Variants in ZNF226 observed in about 807,000 individuals in gnomAD.
The protein encoded by ZNF226 is Kruppel-associated box protein.
A neutral mutation model predicts 11.4 loss-of-function variants in ZNF226; 6 were observed. That is an observed-to-expected ratio of 0.53 (90% CI 0.29 to 1.04). The LOEUF is 1.04. Among genes scored for constraint, ZNF226 ranks in the 50% least tolerant of loss-of-function variants. The pLI, the probability that ZNF226 is intolerant of heterozygous loss-of-function variation, is 0.08. For missense variants in ZNF226, 1,058 were observed against 956.5 expected (o/e 1.11, Z -1.40); for synonymous variants, 350 against 322.8 (o/e 1.08, Z -0.90).
the ZNF226 span, among the ~76,000 whole-genome samples, chr19:44,183,501 C>T: frequency 6.6e-6 from 1 of 152,194 alleles, no homozygotes; most frequent in Non-Finnish European, 1.5e-5. Context: ...AGCAAAACCA[C>T]ATTCATGGAG....
At chr19:44,175,008 T>C (rs766870408) in intron 5 of ZNF226, 1 of 1,611,898 alleles carries the variant, frequency 6.2e-7, no homozygotes, top group South Asian at 1.1e-5. Flanking sequence ...AAAGCTCTTT[T>C]GCTCTATGAC....
chr19:44,169,199 G>A (rs1402759395), intron 2 of ZNF226, among the ~76,000 whole-genome samples: 1 of 151,652 alleles, frequency 6.6e-6, no homozygotes, highest in Non-Finnish European at 1.5e-5. Flanking sequence ...GTAAAGACAG[G>A]GTTTCATCTT....
the ZNF226 span, among the ~76,000 whole-genome samples, chr19:44,184,628 G>C: frequency 6.6e-6 from 1 of 151,476 alleles, no homozygotes; most frequent in African/African-American, 2.4e-5. Flanking sequence ...GATATTCCAA[G>C]ATACCTGTTC....
At chr19:44,196,843 T>C in the ZNF226 span, among the ~76,000 whole-genome samples, 1 of 152,170 alleles carries the variant, frequency 6.6e-6, no homozygotes, top group East Asian at 1.9e-4. Flanking sequence ...CTCTGATTTG[T>C]CTTCCCATGT....
At chr19:44,185,118 A>G in the ZNF226 span, among the ~76,000 whole-genome samples, 2 of 152,262 alleles carry the variant, frequency 1.3e-5, no homozygotes, top group African/African-American at 4.8e-5. Flanking sequence ...TAAAGGCTGC[A>G]TAATATTGCA....
intron 4 of ZNF226, 164 bp downstream of exon 4, chr19:44,172,378 T>G: frequency 1.1e-6 from 1 of 872,866 alleles, no homozygotes; most frequent in South Asian, 1.8e-5. Context: ...TTTTAGGTCT[T>G]TTTCATTTGT....
At chr19:44,173,182 A>G (rs755337651) in intron 5 of ZNF226, 1 of 557,246 alleles carries the variant, frequency 1.8e-6, no homozygotes, top group Non-Finnish European at 3.2e-6. Context: ...CTTCTGCTCA[A>G]AATTCTCTGT....
intron 3 of ZNF226, among the ~76,000 whole-genome samples, chr19:44,171,837 G>A (rs1451428454): frequency 6.6e-6 from 1 of 152,170 alleles, no homozygotes; most frequent in African/African-American, 2.4e-5. Flanking sequence ...AATGTTTTAG[G>A]TTCAGCAGGT....
intron 5 of ZNF226, chr19:44,173,797 A>C (rs1970395912): frequency 6.6e-6 from 1 of 152,202 alleles, no homozygotes; most frequent in African/African-American, 2.4e-5. Context: ...CACCCTATTA[A>C]AAATACATTC....
In ZNF226 at chr19:44,175,005, T is replaced by G. The variant is rs1351600496; in HGVS notation, c.236-493T>G. On this transcript the variant is annotated intron_variant, in intron 5 of 5. Coordinates refer to ENST00000337433, the MANE Select transcript of ZNF226 (RefSeq NM_001032373.2). ...TCAGATACCTTACTTGTAAAAGCTC[T>G]TTTGCTCTATGACCTGGCTCAAACT... is the stretch of plus-strand genomic sequence containing the variant. 3 of 1,611,488 alleles carry G rather than the reference T, an allele frequency of 1.9e-6. No homozygotes were observed. The Admixed American group carries it at 5.0e-5, about 27-fold the overall frequency.
chr19:44,172,005 A>G, intron 3 of ZNF226, 83 bp from the exon 4 acceptor site: 2 of 1,562,678 alleles, frequency 1.3e-6, no homozygotes, highest in Non-Finnish European at 1.7e-6. Context: ...GGGCATCCAG[A>G]ACAACTTTCC....
At chr19:44,172,239 A>G (rs1970183184) in intron 4 of ZNF226, 25 bp downstream of exon 4, 1 of 1,602,952 alleles carries the variant, frequency 6.2e-7, no homozygotes, top group Admixed American at 1.7e-5. Flanking sequence ...CCTCTGGAAT[A>G]TCTTTGTGCC....
At chr19:44,186,980 A>G in the ZNF226 span, among the ~76,000 whole-genome samples, 3 of 151,596 alleles carry the variant, frequency 2.0e-5, no homozygotes, top group Non-Finnish European at 4.4e-5. Context: ...TTGCCTGATC[A>G]TGACCTGTGA....
the ZNF226 span, among the ~76,000 whole-genome samples, chr19:44,197,710 A>G: frequency 6.6e-6 from 1 of 152,120 alleles, no homozygotes; most frequent in African/African-American, 2.4e-5. Context: ...TGATTTGTCT[A>G]TTTGGTTGTC....
At chr19:44,168,573 T>C (rs1969674822) in intron 2 of ZNF226, among the ~76,000 whole-genome samples, 1 of 152,346 alleles carries the variant, frequency 6.6e-6, no homozygotes, top group South Asian at 2.1e-4. Context: ...TTCTAGAGTA[T>C]TGAGAAATTA....
the ZNF226 span, among the ~76,000 whole-genome samples, chr19:44,191,845 T>C: frequency 2.0e-5 from 3 of 152,156 alleles, no homozygotes; most frequent in Non-Finnish European, 4.4e-5. Flanking sequence ...TGAGAAATTA[T>C]TTTGATAAAA....
chr19:44,195,405 C>A, the ZNF226 span, among the ~76,000 whole-genome samples: 1 of 152,098 alleles, frequency 6.6e-6, no homozygotes, highest in African/African-American at 2.4e-5. Flanking sequence ...CTTCTTGACA[C>A]AAACTTTATG....
chr19:44,172,362 A>G (rs1023117737), intron 4 of ZNF226, 148 bp downstream of exon 4: 46 of 1,023,320 alleles, frequency 4.5e-5, no homozygotes, highest in Non-Finnish European at 6.3e-5. Context: ...CTTTCTGAAC[A>G]GAATATTTTA....
the ZNF226 span, among the ~76,000 whole-genome samples, chr19:44,192,342 GGA>G: frequency 2.8e-4 from 42 of 152,216 alleles, no homozygotes; most frequent in East Asian, 7.1e-3. Flanking sequence ...GGTGAGAGAG[GGA>G]GAGAGTTACA....
Sources: gnomAD v4.1 joint callset for allele counts (sites outside exome capture counted in the v4.1 genomes callset) on GRCh38, gnomAD v4.1.1 for gene constraint, MANE v1.5 for transcripts, NCBI Gene and HGNC (gene_info 2026-07-23, HGNC 2026-07-21) for gene names.